PCDHGB3: variants seen among roughly 807,000 people sequenced by gnomAD.
The protein encoded by PCDHGB3 is protocadherin gamma-B3.
In PCDHGB3, 40 loss-of-function variants were observed where a neutral mutation model predicts 59.2. The ratio of observed to expected loss-of-function variants is 0.68; its 90% CI spans 0.52 to 0.88. The LOEUF (loss-of-function observed/expected upper bound fraction) is 0.88, where lower values mean the gene tolerates loss of function less well. Among genes scored for constraint, PCDHGB3 ranks in the 40% least tolerant of loss-of-function variants. The probability of loss-of-function intolerance (pLI) is 0.00; values close to 1 mark genes in which losing one functional copy is unlikely to be tolerated. For synonymous variants in PCDHGB3, 581 were observed against 503.6 expected (o/e 1.15, Z -2.06); for missense variants, 1,309 against 1,187.9 (o/e 1.10, Z -1.50).
chr5:141,434,474 A>G (rs979175338), intron 1 of PCDHGB3, among the ~76,000 whole-genome samples: 2 of 152,222 alleles, frequency 1.3e-5, no homozygotes, highest in Non-Finnish European at 2.9e-5. Context: ...GAATGAGGGC[A>G]AGGAACACCT....
At chr5:141,394,883 ACT>A (rs1415060925) in intron 1 of PCDHGB3, 4 of 1,611,604 alleles carry the variant, frequency 2.5e-6, no homozygotes, top group Admixed American at 1.7e-5. Context: ...CGAGCCTTAC[ACT>A]CTATCTCGTG....
Position 141,420,431 on chromosome 5 carries a change from A to G in PCDHGB3, c.2415+47622A>G, listed in dbSNP as rs183252328. 8.4e-5 allele frequency: 96 copies of G among 1,148,758 alleles called. No individual in the cohort carries two copies. In the African/African-American group the frequency reaches 1.3e-3, roughly 16 times the overall value. The allele number at this position is 1,148,758 out of a possible 1,614,324, so 71.2% of individuals were successfully genotyped here. Reference sequence around the variant, plus strand: ...TATCATTATTAAAACAAAAGTTTAAATTAAATGCCTCAGTCTTCCTACTAT... The same window carrying G: ...TATCATTATTAAAACAAAAGTTTAAGTTAAATGCCTCAGTCTTCCTACTAT... On this transcript the variant is annotated intron_variant, in intron 1 of 3. Transcript: ENST00000576222.
intron 1 of PCDHGB3, chr5:141,415,325 C>G: frequency 6.2e-7 from 1 of 1,614,212 alleles, no homozygotes; most frequent in Non-Finnish European, 8.5e-7. Flanking sequence ...GTGCTGCTGG[C>G]GCACAGGCTG....
At chr5:141,501,312 C>T (rs2099807672) in intron 2 of PCDHGB3, among the ~76,000 whole-genome samples, 1 of 151,778 alleles carries the variant, frequency 6.6e-6, no homozygotes, top group South Asian at 2.1e-4. Context: ...CACACACACA[C>T]ACACACACAC....
intron 1 of PCDHGB3, among the ~76,000 whole-genome samples, chr5:141,478,961 C>T (rs887338339): frequency 6.6e-6 from 1 of 152,206 alleles, no homozygotes; most frequent in Non-Finnish European, 1.5e-5. Context: ...CCTCATTCCT[C>T]CACCTTTCAA....
intron 1 of PCDHGB3, chr5:141,375,835 C>T (rs772317330): frequency 2.5e-5 from 40 of 1,613,984 alleles, no homozygotes; most frequent in Middle Eastern, 1.6e-4. Context: ...CCGCAGAGCC[C>T]GGCTACCTGG....
intron 1 of PCDHGB3, chr5:141,478,480 G>T: frequency 2.5e-6 from 4 of 1,613,564 alleles, no homozygotes; most frequent in Non-Finnish European, 3.4e-6. Flanking sequence ...GCCAGAACAC[G>T]CTGCGGAGCT....
chr5:141,419,465 G>T, intron 1 of PCDHGB3: 2 of 1,612,542 alleles, frequency 1.2e-6, no homozygotes, highest in Non-Finnish European at 1.7e-6. Context: ...GCAGGCCCGC[G>T]ACCAGGGCTC....
At chr5:141,508,682 C>G (rs2099870913) in intron 3 of PCDHGB3, among the ~76,000 whole-genome samples, 1 of 152,080 alleles carries the variant, frequency 6.6e-6, no homozygotes, top group Non-Finnish European at 1.5e-5. Context: ...TCCCTTCTCC[C>G]TGCTTCTCCG....
intron 1 of PCDHGB3, among the ~76,000 whole-genome samples, chr5:141,455,146 A>G (rs2098814943): frequency 6.7e-6 from 1 of 149,242 alleles, no homozygotes; most frequent in South Asian, 2.1e-4. Flanking sequence ...TGTTAAATAA[A>G]TATTAGTTTG....
chr5:141,408,796 A>G (rs2154540634), intron 1 of PCDHGB3: 1 of 1,612,808 alleles, frequency 6.2e-7, no homozygotes, highest in Non-Finnish European at 8.5e-7. Context: ...CTCTGGAGAA[A>G]CTCCTAGACC....
chr5:141,399,002 C>A (rs1415503184), intron 1 of PCDHGB3: 2 of 1,613,830 alleles, frequency 1.2e-6, no homozygotes, highest in South Asian at 2.2e-5. Flanking sequence ...AGTCTGAATT[C>A]AAAGAGCGGA....
chr5:141,381,826 C>CTTCTTTTTTTT (rs1777532522), intron 1 of PCDHGB3, among the ~76,000 whole-genome samples: 8 of 74,294 alleles, frequency 1.1e-4, no homozygotes, highest in African/African-American at 4.3e-4. Context: ...CTTTCTTCTT[C>CTTCTTTTTTTT]TTTTTTTTTT....
At chr5:141,455,330 G>T (rs2098819667) in intron 1 of PCDHGB3, among the ~76,000 whole-genome samples, 1 of 152,042 alleles carries the variant, frequency 6.6e-6, no homozygotes, top group South Asian at 2.1e-4. Context: ...GTGTGTTTGT[G>T]GTTTTAAGGA....
chr5:141,402,684 A>G (rs2094294341), intron 1 of PCDHGB3, among the ~76,000 whole-genome samples: 1 of 152,144 alleles, frequency 6.6e-6, no homozygotes, highest in African/African-American at 2.4e-5. Context: ...ATCTGATATA[A>G]TGTTACACAT....
intron 1 of PCDHGB3, chr5:141,408,693 T>C (rs1561714723): frequency 6.2e-6 from 10 of 1,613,768 alleles, no homozygotes; most frequent in Non-Finnish European, 8.5e-6. Flanking sequence ...GATATAAACA[T>C]AAACTCAATT....
intron 1 of PCDHGB3, chr5:141,397,974 C>T: frequency 1.7e-6 from 2 of 1,174,456 alleles, no homozygotes; most frequent in Non-Finnish European, 1.2e-6. Context: ...TCCCCAGCGC[C>T]GGCCTTTACA....
chr5:141,386,424 C>A (rs1233589909), intron 1 of PCDHGB3, among the ~76,000 whole-genome samples: 1 of 151,904 alleles, frequency 6.6e-6, no homozygotes, highest in Non-Finnish European at 1.5e-5. Flanking sequence ...AAGCTGTAGC[C>A]CACCTGCATG....
intron 1 of PCDHGB3, among the ~76,000 whole-genome samples, chr5:141,468,198 G>A (rs992118435): frequency 9.2e-5 from 14 of 151,854 alleles, no homozygotes; most frequent in Admixed American, 7.2e-4. Context: ...GGTGGCGGGT[G>A]CCTGTAATTC....
Sources: allele counts gnomAD v4.1 joint callset (sites outside exome capture counted in the v4.1 genomes callset), GRCh38; gene constraint gnomAD v4.1.1; transcripts MANE v1.5; gene names NCBI Gene and HGNC (gene_info 2026-07-23, HGNC 2026-07-21).